Variants in FYN observed in about 807,000 individuals in gnomAD.
The protein encoded by FYN is FYN proto-oncogene, Src family tyrosine kinase.
Under a neutral mutation model 70.2 loss-of-function variants are expected in FYN, and 10 were observed. The observed-to-expected ratio is 0.14, with a 90% CI of 0.09 to 0.24. The LOEUF is 0.24. Among genes scored for constraint, FYN ranks in the 10% least tolerant of loss-of-function variants. The probability of loss-of-function intolerance (pLI) is 1.00; values close to 1 mark genes in which losing one functional copy is unlikely to be tolerated. For synonymous variants in FYN, 236 were observed against 248.6 expected, an observed-to-expected ratio of 0.95 and a Z score of 0.48; for missense variants, 319 against 673.1, an observed-to-expected ratio of 0.47 and a Z score of 5.82.
intron 2 of FYN, among the ~76,000 whole-genome samples, chr6:111,798,052 C>G (rs1308006426): frequency 6.6e-6 from 1 of 152,124 alleles, no homozygotes; most frequent in Non-Finnish European, 1.5e-5. Context: ...TGTTGAGTCA[C>G]CGTGCCCGAC....
At chr6:111,737,688 T>C (rs1490478446) in intron 3 of FYN, among the ~76,000 whole-genome samples, 1 of 152,190 alleles carries the variant, frequency 6.6e-6, no homozygotes, top group Admixed American at 6.5e-5. Context: ...TGGCCACTGG[T>C]GATCAACTTA....
At chr6:111,770,510 T>C (rs1803403829) in intron 3 of FYN, among the ~76,000 whole-genome samples, 1 of 152,200 alleles carries the variant, frequency 6.6e-6, no homozygotes, top group Non-Finnish European at 1.5e-5. Flanking sequence ...TTATGGTGAC[T>C]GCTTGTAGAC....
Position 111,812,405 on chromosome 6 carries a change from G to A in FYN, c.-81-31770C>T, listed in dbSNP as rs527237706. On this transcript the variant is annotated intron_variant, in intron 2 of 13. Transcript: ENST00000354650. Reference sequence around the variant, plus strand: ...AAGAGGGCTTAGCGCATATGCCTTCGTCTACTCTACTGGCTGTAAATAACC... The same window carrying A: ...AAGAGGGCTTAGCGCATATGCCTTCATCTACTCTACTGGCTGTAAATAACC... Among the ~76,000 whole-genome samples the A allele has an allele frequency of 1.7e-4, 26 of 152,188 alleles. 1 individual carries two copies. In the South Asian group the frequency reaches 3.1e-3, roughly 18 times the overall value.
intron 3 of FYN, among the ~76,000 whole-genome samples, chr6:111,724,510 T>C (rs558725904): frequency 3.7e-4 from 56 of 152,302 alleles, no homozygotes; most frequent in African/African-American, 1.3e-3. Context: ...TAAGCCCAAG[T>C]TATAAGCTTG....
rs1471821861 is a variant in FYN, at chr6:111,873,295, G to C, written c.-450C>G. 1 of 150,836 alleles carries C rather than the reference G, an allele frequency of 6.6e-6. No homozygotes were observed. The highest frequency in any genetic ancestry group is 2.4e-5 in the African/African-American group (1 of 41,072). The allele number at this position is 150,836 out of a possible 1,614,324, so 9.3% of individuals were successfully genotyped here. ...CTCGCCTCTACTCTCGCCGCCGGGC[G>C]GCGGGCGGGTCTCGAAGGCCTTCGG... is the stretch of plus-strand genomic sequence containing the variant. On this transcript the variant is annotated 5_prime_UTR_variant, in exon 1 of 14. Coordinates refer to ENST00000354650, the MANE Select transcript of FYN (RefSeq NM_002037.5).
chr6:111,811,471 CA>C (rs1465125357), intron 2 of FYN, among the ~76,000 whole-genome samples: 1 of 152,180 alleles, frequency 6.6e-6, no homozygotes, highest in Non-Finnish European at 1.5e-5. Flanking sequence ...TCCAGTTTCA[CA>C]AATAGACTTG....
intron 2 of FYN, among the ~76,000 whole-genome samples, chr6:111,814,902 A>T (rs921267137): frequency 6.6e-6 from 1 of 152,194 alleles, no homozygotes; most frequent in Non-Finnish European, 1.5e-5. Flanking sequence ...CTCAACTTTT[A>T]AAAAAATTGT....
intron 1 of FYN, among the ~76,000 whole-genome samples, chr6:111,862,579 C>T (rs1773992304): frequency 6.6e-6 from 1 of 152,158 alleles, no homozygotes; most frequent in Non-Finnish European, 1.5e-5. Context: ...TGACAGTGTG[C>T]TACGTGCCTT....
At chr6:111,677,831 T>C (rs1254578706) in intron 12 of FYN, among the ~76,000 whole-genome samples, 1 of 152,190 alleles carries the variant, frequency 6.6e-6, no homozygotes, top group African/African-American at 2.4e-5. Context: ...GTTATGTAAC[T>C]AGCTGATTCA....
At chr6:111,719,161 T>C (rs903998117) in intron 4 of FYN, among the ~76,000 whole-genome samples, 14 of 152,162 alleles carry the variant, frequency 9.2e-5, no homozygotes, top group African/African-American at 2.7e-4. Context: ...AAAATTTGGA[T>C]GACTAGGGAT....
In FYN at chr6:111,661,592, G is replaced by A; in HGVS notation, c.*147C>T. 3 of 698,192 alleles carry A rather than the reference G, an allele frequency of 4.3e-6. No individual in the cohort carries two copies. Among genetic ancestry groups the A allele is most frequent in the Non-Finnish European group, 7.4e-6 (3 of 407,474 alleles). 43.2% of individuals were successfully genotyped at this position (698,192 alleles called of 1,614,324 possible). ...TTGGGGACAAGTGTCATTAATGAGG[G>A]CCATGGAAGTTCGTCAGCTTCAGAG... On this transcript the variant is annotated 3_prime_UTR_variant, in exon 14 of 14. Transcript: ENST00000354650. This position sits in a 1 kb window ranked among gnomAD's most constrained non-coding sequence, Gnocchi z 4.0.
intron 1 of FYN, among the ~76,000 whole-genome samples, chr6:111,855,970 T>C (rs1375404180): frequency 6.6e-6 from 1 of 152,238 alleles, no homozygotes; most frequent in African/African-American, 2.4e-5. Context: ...TGGCAATCTT[T>C]TGATGGAATG....
At chr6:111,713,566 CT>C (rs1372230272) in intron 5 of FYN, among the ~76,000 whole-genome samples, 4 of 152,142 alleles carry the variant, frequency 2.6e-5, no homozygotes, top group South Asian at 4.2e-4. Context: ...TCTTCAGAAC[CT>C]AGATTTTTTT....
chr6:111,729,636 T>C (rs538356104), intron 3 of FYN, among the ~76,000 whole-genome samples: 2 of 152,310 alleles, frequency 1.3e-5, no homozygotes, highest in South Asian at 4.1e-4. Flanking sequence ...GGGCAATGGC[T>C]AAAGTAAATT....
At chr6:111,831,481 A>G (rs1214948021) in intron 2 of FYN, among the ~76,000 whole-genome samples, 1 of 152,204 alleles carries the variant, frequency 6.6e-6, no homozygotes. Context: ...CTTTAGCACA[A>G]GGGTACCTGG....
In FYN at chr6:111,691,016, T is replaced by C. The variant is rs1799291219; in HGVS notation, c.1273+3359A>G. ...TCTGATTGGGCAGAATTTAGCAAAG[T>C]GTTTGTAACTAAAGACGAACTATCT... On this transcript the variant is annotated intron_variant, in intron 12 of 13. Coordinates refer to ENST00000354650, the MANE Select transcript of FYN (RefSeq NM_002037.5). Among the ~76,000 whole-genome samples, 5 of 152,232 alleles carry C rather than the reference T, an allele frequency of 3.3e-5. No individual in the cohort carries two copies. The South Asian group carries it at 1.0e-3, about 31-fold the overall frequency.
chr6:111,842,489 C>T (rs1020860413), intron 2 of FYN, among the ~76,000 whole-genome samples: 1 of 152,172 alleles, frequency 6.6e-6, no homozygotes, highest in Non-Finnish European at 1.5e-5. Context: ...GCAACCAGTA[C>T]ACGCATTTGC....
chr6:111,763,239 GTTTCTAT>G (rs1209883625), intron 3 of FYN, among the ~76,000 whole-genome samples: 5 of 152,116 alleles, frequency 3.3e-5, no homozygotes, highest in Non-Finnish European at 5.9e-5. Flanking sequence ...TGTAACTTCT[GTTTCTAT>G]AAAATGTATA....
chr6:111,670,426 T>A (rs1798214182), intron 13 of FYN, among the ~76,000 whole-genome samples: 1 of 152,210 alleles, frequency 6.6e-6, no homozygotes, highest in Admixed American at 6.5e-5. Context: ...CCCTAGCTGT[T>A]ACCAGCAGCA....
Sources: gnomAD v4.1 joint callset for allele counts (sites outside exome capture counted in the v4.1 genomes callset) on GRCh38, gnomAD v4.1.1 for gene constraint, Gnocchi (gnomAD v3.1) non-coding constraint, MANE v1.5 for transcripts, NCBI Gene and HGNC (gene_info 2026-07-23, HGNC 2026-07-21) for gene names.